Variants in UBE2E2 observed in about 807,000 individuals in gnomAD.
The protein encoded by UBE2E2 is ubiquitin-conjugating enzyme E2 E2.
In UBE2E2, 6 loss-of-function variants were observed where a neutral mutation model predicts 24.7. That is an observed-to-expected ratio of 0.24 (90% confidence interval 0.13 to 0.48). The LOEUF (loss-of-function observed/expected upper bound fraction) is 0.48, where lower values mean the gene tolerates loss of function less well. Among genes scored for constraint, UBE2E2 ranks in the 20% least tolerant of loss-of-function variants. The pLI is 0.99. For synonymous variants in UBE2E2, 104 were observed against 83.6 expected, an observed-to-expected ratio of 1.24 and a Z score of -1.33; for missense variants, 169 against 245.0, an observed-to-expected ratio of 0.69 and a Z score of 2.07.
At position 23,390,476 on chromosome 3, in the gene UBE2E2, C is replaced by T. The variant is rs530622752; in HGVS notation, c.228-109132C>T. On this transcript the variant is annotated intron_variant, in intron 3 of 5. Transcript: ENST00000396703. ...CCCCTTTTGCTGAGAGCCACTTCCA[C>T]TGCTTAATAAAATCCTCTGCATTCA... Among the ~76,000 whole-genome samples, 10 of 152,198 alleles carry T rather than the reference C, an allele frequency of 6.6e-5. 1 individual carries two copies. The South Asian group carries it at 1.9e-3, about 28-fold the overall frequency.
intron 3 of UBE2E2, among the ~76,000 whole-genome samples, chr3:23,347,947 A>G (rs1182242599): frequency 1.3e-5 from 2 of 152,148 alleles, no homozygotes; most frequent in African/African-American, 4.8e-5. Flanking sequence ...GTAGGCTATA[A>G]TAAACTCCAT....
At chr3:23,235,519 CAG>C (rs2125334599) in intron 3 of UBE2E2, among the ~76,000 whole-genome samples, 1 of 152,072 alleles carries the variant, frequency 6.6e-6, no homozygotes, top group South Asian at 2.1e-4. Flanking sequence ...CCAAATCAAG[CAG>C]AGTTTGGCTT....
intron 3 of UBE2E2, among the ~76,000 whole-genome samples, chr3:23,380,882 A>G (rs1022427627): frequency 3.3e-5 from 5 of 152,186 alleles, no homozygotes; most frequent in Non-Finnish European, 7.3e-5. Flanking sequence ...GTGAATTCCA[A>G]GCTCTAAGCA....
At chr3:23,487,845 C>G (rs916712441) in intron 3 of UBE2E2, among the ~76,000 whole-genome samples, 1 of 152,164 alleles carries the variant, frequency 6.6e-6, no homozygotes, top group Non-Finnish European at 1.5e-5. Flanking sequence ...TTAAGTGTCT[C>G]TGTGTGCAGG....
chr3:23,279,868 A>G (rs1185985643), intron 3 of UBE2E2, among the ~76,000 whole-genome samples: 1 of 152,230 alleles, frequency 6.6e-6, no homozygotes, highest in African/African-American at 2.4e-5. Flanking sequence ...ATACATGACC[A>G]AACTCTTTTC....
At chr3:23,209,472 G>T (rs1696256933) in intron 2 of UBE2E2, among the ~76,000 whole-genome samples, 1 of 152,152 alleles carries the variant, frequency 6.6e-6, no homozygotes, top group Non-Finnish European at 1.5e-5. Flanking sequence ...TGGACTTAAA[G>T]GGAATCTGTT....
At chr3:23,318,753 C>T (rs1441080687) in intron 3 of UBE2E2, among the ~76,000 whole-genome samples, 1 of 152,078 alleles carries the variant, frequency 6.6e-6, no homozygotes, top group African/African-American at 2.4e-5. Flanking sequence ...CCACCAGGTC[C>T]CTCCCACAAC....
intron 3 of UBE2E2, among the ~76,000 whole-genome samples, chr3:23,437,932 C>G (rs1211640362): frequency 1.3e-5 from 2 of 152,116 alleles, no homozygotes; most frequent in African/African-American, 4.8e-5. Context: ...TCAGTGTGGG[C>G]AGTAAATGCA....
At chr3:23,446,099 C>G (rs1698423381) in intron 3 of UBE2E2, among the ~76,000 whole-genome samples, 3 of 152,174 alleles carry the variant, frequency 2.0e-5, no homozygotes, top group African/African-American at 7.2e-5. Flanking sequence ...ACAGAGTCTT[C>G]TTTATCACAC....
chr3:23,360,922 CA>C (rs1194041445), intron 3 of UBE2E2, among the ~76,000 whole-genome samples: 6 of 149,612 alleles, frequency 4.0e-5, no homozygotes, highest in Non-Finnish European at 8.9e-5. Context: ...AAAATATTCA[CA>C]AACTATGCAT....
intron 3 of UBE2E2, among the ~76,000 whole-genome samples, chr3:23,299,819 G>A (rs1227072722): frequency 6.6e-6 from 1 of 152,154 alleles, no homozygotes; most frequent in Non-Finnish European, 1.5e-5. Flanking sequence ...GCAGAGCTGA[G>A]TTCAATTCCT....
chr3:23,224,461 G>A (rs191343768), intron 3 of UBE2E2, among the ~76,000 whole-genome samples: 3 of 150,746 alleles, frequency 2.0e-5, no homozygotes, highest in Non-Finnish European at 3.0e-5. Flanking sequence ...CAGGTTATTT[G>A]CTGTTGACAT....
chr3:23,203,139 C>G, upstream of UBE2E2: 3 of 984,582 alleles, frequency 3.0e-6, no homozygotes, highest in Non-Finnish European at 3.6e-6. Flanking sequence ...CGGGCGGCGG[C>G]GGCTCCCGGA....
At chr3:23,300,383 G>A (rs1293040253) in intron 3 of UBE2E2, among the ~76,000 whole-genome samples, 1 of 152,160 alleles carries the variant, frequency 6.6e-6, no homozygotes, top group Non-Finnish European at 1.5e-5. Flanking sequence ...TAGCCTTGAT[G>A]GTCTTTACAA....
At chr3:23,578,257 C>T (rs1299370150) in intron 5 of UBE2E2, among the ~76,000 whole-genome samples, 1 of 152,070 alleles carries the variant, frequency 6.6e-6, no homozygotes, top group Non-Finnish European at 1.5e-5. Context: ...GTCAGAATGT[C>T]TATTATTAAC....
At chr3:23,227,531 A>C (rs954334282) in intron 3 of UBE2E2, among the ~76,000 whole-genome samples, 2 of 152,234 alleles carry the variant, frequency 1.3e-5, no homozygotes, top group African/African-American at 4.8e-5. Flanking sequence ...TATTTAGGGT[A>C]CTGAATTATT....
chr3:23,483,991 C>A (rs930225892), intron 3 of UBE2E2, among the ~76,000 whole-genome samples: 1 of 152,170 alleles, frequency 6.6e-6, no homozygotes, highest in Non-Finnish European at 1.5e-5. Context: ...CCCCAAAAGA[C>A]CTCAGTGGAG....
intron 3 of UBE2E2, among the ~76,000 whole-genome samples, chr3:23,308,472 A>T (rs931250545): frequency 5.3e-5 from 8 of 152,234 alleles, no homozygotes; most frequent in Admixed American, 2.6e-4. Flanking sequence ...TTATTTTTAC[A>T]CAAATAAATA....
At chr3:23,437,321 C>A (rs1054034354) in intron 3 of UBE2E2, among the ~76,000 whole-genome samples, 3 of 152,160 alleles carry the variant, frequency 2.0e-5, no homozygotes, top group African/African-American at 7.2e-5. Context: ...GCCCTTTTGA[C>A]TTTTCCATGC....
Sources: gnomAD v4.1 joint callset for allele counts (sites outside exome capture counted in the v4.1 genomes callset) on GRCh38, gnomAD v4.1.1 for gene constraint, MANE v1.5 for transcripts, NCBI Gene and HGNC (gene_info 2026-07-23, HGNC 2026-07-21) for gene names.